The following DDX52 variants were observed in gnomAD, a reference collection of about 807,000 sequenced individuals.
DDX52 encodes DExD-box helicase 52.
In DDX52, 59 loss-of-function variants were observed where a neutral mutation model predicts 76.1. The ratio of observed to expected loss-of-function variants is 0.78; its 90% CI spans 0.63 to 0.96. The LOEUF is 0.96. Ranked by LOEUF, DDX52 falls within the 40% of genes least tolerant of loss-of-function variation. DDX52 has a pLI of 0.00. For missense variants in DDX52, 707 were observed against 703.9 expected (o/e 1.00, Z -0.05); for synonymous variants, 231 against 244.1 (o/e 0.95, Z 0.50).
In DDX52 at chr17:37,626,006, C is replaced by G. The variant is rs138636479; in HGVS notation, c.1025G>C (p.Cys342Ser). ...RDQLASIFLA[C>S]TSHKVRRAMF... ...AGCTCTTCGGACCTTGTGGGATGTG[C>G]AGGCCAGGAAAATGGAAGCCAGCTG... The change falls in exon 8 of 15, where the codon TGC (cysteine) becomes TCC (serine). Residue 342 changes from cysteine (C) to serine (S), a missense_variant. By Grantham distance (112) the Cys-to-Ser change is moderately radical. Transcript: ENST00000617633. The G allele has an allele frequency of 1.4e-5, 22 of 1,614,004 alleles. No individual in the cohort carries two copies. The African/African-American group carries it at 2.7e-4, about 20-fold the overall frequency.
At chr17:37,624,466 G>A in intron 8 of DDX52, 32 bp from the exon 9 acceptor site, 1 of 1,517,698 alleles carries the variant, frequency 6.6e-7, no homozygotes, top group South Asian at 1.3e-5. Context: ...TAGTTTGTAA[G>A]AGTTAATTTT....
intron 4 of DDX52, 183 bp downstream of exon 4, chr17:37,631,930 A>T: frequency 1.4e-6 from 1 of 697,598 alleles, no homozygotes. Flanking sequence ...AGAAGATCAC[A>T]TCTAGATGGA....
At position 37,628,540 on chromosome 17, in the gene DDX52, T is replaced by A. The variant is rs967970288; in HGVS notation, c.859+21A>T. Reference sequence around the variant, plus strand: ...AGATTCCTTACATGCTCTATCTACATCCCATGTATGAATTCCTTACCAAAC... The same window carrying A: ...AGATTCCTTACATGCTCTATCTACAACCCATGTATGAATTCCTTACCAAAC... On this transcript the variant is annotated intron_variant, in intron 6 of 14. Coordinates refer to ENST00000617633, the MANE Select transcript of DDX52 (RefSeq NM_007010.5). 2.0e-5 allele frequency: 31 copies of A among 1,549,778 alleles called. No individual in the cohort carries two copies. The Admixed American group carries it at 5.3e-4, about 26-fold the overall frequency.
chr17:37,634,359 C>T (rs1021338437), intron 2 of DDX52, among the ~76,000 whole-genome samples: 6 of 151,548 alleles, frequency 4.0e-5, no homozygotes, highest in Admixed American at 6.6e-5. Flanking sequence ...CGGCCAGGTG[C>T]GGTGGCTCAT....
intron 5 of DDX52, among the ~76,000 whole-genome samples, chr17:37,629,193 C>T (rs1406001208): frequency 6.6e-6 from 1 of 150,832 alleles, no homozygotes; most frequent in African/African-American, 2.4e-5. Flanking sequence ...TGCACTCCAG[C>T]CTGGTCCACA....
chr17:37,620,209 C>T (rs1342812489), intron 12 of DDX52: 1 of 197,472 alleles, frequency 5.1e-6, no homozygotes, highest in East Asian at 1.3e-4. Context: ...TGTATAGTAA[C>T]TTCTTCACTC....
At chr17:37,618,854 G>A (rs1392371632) in intron 13 of DDX52, among the ~76,000 whole-genome samples, 2 of 152,092 alleles carry the variant, frequency 1.3e-5, no homozygotes, top group African/African-American at 4.8e-5. Flanking sequence ...AAACGAGATC[G>A]CCTAATAGGA....
rs141904965 is a variant in DDX52 at position 37,614,837 on chromosome 17, G to GA, written c.1743-485dup. 5.1e-3 allele frequency: 780 copies of GA among 153,180 alleles called. 4 individuals carry two copies. The highest frequency in any genetic ancestry group is 0.017 in the African/African-American group (717 of 41,604). The allele number at this position is 153,180 out of a possible 1,614,324, so 9.5% of individuals were successfully genotyped here. A position where few individuals can be genotyped will look rare whatever the true frequency, so the allele number is the denominator to read the frequency against. On this transcript the variant is annotated intron_variant, in intron 14 of 14. Coordinates refer to ENST00000617633, the MANE Select transcript of DDX52 (RefSeq NM_007010.5). ...CTGATCCTATAGCCTAGTGAAGGTTGAATGTCATTAACTAAGTGGTAACAG... is the reference window on the plus strand; with the variant it reads ...CTGATCCTATAGCCTAGTGAAGGTTGAAATGTCATTAACTAAGTGGTAACAG...
chr17:37,619,495 G>C (rs2029965715), intron 13 of DDX52, among the ~76,000 whole-genome samples: 1 of 152,090 alleles, frequency 6.6e-6, no homozygotes, highest in African/African-American at 2.4e-5. Context: ...TTGAGGCCAG[G>C]AGTTCAAGAC....
intron 8 of DDX52, among the ~76,000 whole-genome samples, chr17:37,624,648 A>C (rs2030272175): frequency 1.3e-5 from 2 of 152,182 alleles, no homozygotes; most frequent in South Asian, 4.1e-4. Context: ...TTGAAATGCC[A>C]CCCATTAAAA....
chr17:37,636,150 G>T (rs1192419688), intron 2 of DDX52, among the ~76,000 whole-genome samples: 1 of 152,074 alleles, frequency 6.6e-6, no homozygotes, highest in Non-Finnish European at 1.5e-5. Flanking sequence ...TTTTGTTGTT[G>T]TTGTGCTAAG....
chr17:37,626,655 T>G (rs1328710008), intron 7 of DDX52, 133 bp downstream of exon 7: 1 of 814,150 alleles, frequency 1.2e-6, no homozygotes, highest in East Asian at 2.7e-5. Flanking sequence ...AAAAAACCAT[T>G]ATTCTCAGTG....
chr17:37,643,410 T>C lies in DDX52; in HGVS notation c.11A>G (p.His4Arg). Reference sequence around the variant, plus strand: ...CGCGCCGAGCCGGCGAAAGAGATCGTGGACGTCCATCTTTACCCAGAAAGC... The same window carrying C: ...CGCGCCGAGCCGGCGAAAGAGATCGCGGACGTCCATCTTTACCCAGAAAGC... MDVHDLFRRLGAGA... is the reference protein window; with the variant it reads MDVRDLFRRLGAGA... The change falls in exon 1 of 15, where the codon CAC becomes CGC. Residue 4 changes from histidine (H) to arginine (R), a missense_variant. His to Arg is a conservative substitution (Grantham distance 29). Transcript: ENST00000617633. The C allele has an allele frequency of 3.1e-6, 5 of 1,613,972 alleles. No individual in the cohort carries two copies. The highest frequency in any genetic ancestry group is 2.2e-5 in the East Asian group (1 of 44,876).
chr17:37,632,404 T>C, intron 3 of DDX52, 106 bp from the exon 4 acceptor site: 3 of 1,283,216 alleles, frequency 2.3e-6, no homozygotes, highest in Non-Finnish European at 3.3e-6. Context: ...TAGCAGCATA[T>C]GAAACTTTTT....
At chr17:37,621,622 T>TTTGG in intron 9 of DDX52, 102 bp from the exon 10 acceptor site, 1 of 1,435,098 alleles carries the variant, frequency 7.0e-7, no homozygotes, top group Non-Finnish European at 9.2e-7. Flanking sequence ...TTCAATTTAG[T>TTTGG]GTACTTTCTT....
chr17:37,617,956 CA>C (rs1012276928), intron 14 of DDX52, among the ~76,000 whole-genome samples: 5 of 147,296 alleles, frequency 3.4e-5, no homozygotes, highest in South Asian at 2.2e-4. Context: ...AATAAAAATA[CA>C]AAAAAAAAAT....
In DDX52 at chr17:37,614,103, GAAA is replaced by G; in HGVS notation, c.*190_*192del. On this transcript the variant is annotated 3_prime_UTR_variant, in exon 15 of 15. Coordinates refer to ENST00000617633, the MANE Select transcript of DDX52 (RefSeq NM_007010.5). ...CATGGCAAGACCCTCATCTCTACAGGAAAAAAAAAAGGCACCTACAAATTGAAA... is the reference window on the plus strand; with the variant it reads ...CATGGCAAGACCCTCATCTCTACAGGAAAAAAAGGCACCTACAAATTGAAA... The G allele has an allele frequency of 1.9e-6, 1 of 519,336 alleles. No individual in the cohort carries two copies. Among genetic ancestry groups the G allele is most frequent in the Admixed American group, 3.9e-5 (1 of 25,426 alleles). 32.2% of individuals were successfully genotyped at this position (519,336 alleles called of 1,614,324 possible). A position where few individuals can be genotyped will look rare whatever the true frequency, so the allele number is the denominator to read the frequency against.
At chr17:37,637,147 T>C (rs1225552639) in intron 2 of DDX52, among the ~76,000 whole-genome samples, 1 of 152,072 alleles carries the variant, frequency 6.6e-6, no homozygotes, top group Non-Finnish European at 1.5e-5. Flanking sequence ...TTTTTTCTTT[T>C]TGGAGTCTTA....
intron 4 of DDX52, among the ~76,000 whole-genome samples, chr17:37,630,617 A>T (rs945187757): frequency 4.0e-5 from 6 of 151,666 alleles, no homozygotes; most frequent in Non-Finnish European, 8.8e-5. Context: ...TTTACAGGAG[A>T]CAATTTTCAA....
Sources: gnomAD v4.1 joint callset for allele counts (sites outside exome capture counted in the v4.1 genomes callset) on GRCh38, gnomAD v4.1.1 for gene constraint, MANE v1.5 for transcripts, NCBI Gene and HGNC (gene_info 2026-07-23, HGNC 2026-07-21) for gene names.